The following LRP1B variants were observed in gnomAD, a reference collection of about 807,000 sequenced individuals.
LRP1B encodes LDL receptor related protein 1B.
LRP1B carries 217 observed loss-of-function variants against 556.6 expected under a neutral mutation model. The observed-to-expected ratio is 0.39, with a 90% CI of 0.35 to 0.44. LRP1B has a LOEUF of 0.44. Among genes scored for constraint, LRP1B ranks in the 20% least tolerant of loss-of-function variants. The probability of loss-of-function intolerance (pLI) is 1.00; values close to 1 mark genes in which losing one functional copy is unlikely to be tolerated. For synonymous variants in LRP1B, 2,047 were observed against 1,865.8 expected, an observed-to-expected ratio of 1.10 and a Z score of -2.50; for missense variants, 5,053 against 5,620.8, an observed-to-expected ratio of 0.90 and a Z score of 3.23.
At chr2:142,079,653 G>A (rs113237390) in intron 1 of LRP1B, among the ~76,000 whole-genome samples, 578 of 152,062 alleles carry the variant, frequency 3.8e-3, no homozygotes, top group Admixed American at 5.6e-3. Flanking sequence ...GAGATTACAG[G>A]CATGCACCAA....
chr2:141,466,029 C>T (rs1682181350), intron 3 of LRP1B, among the ~76,000 whole-genome samples: 1 of 152,042 alleles, frequency 6.6e-6, no homozygotes, highest in Non-Finnish European at 1.5e-5. Flanking sequence ...GCTGGGATTA[C>T]AGGTGCCTGC....
chr2:141,543,242 C>A (rs1301751508), intron 2 of LRP1B, among the ~76,000 whole-genome samples: 4 of 151,952 alleles, frequency 2.6e-5, no homozygotes, highest in African/African-American at 9.7e-5. Flanking sequence ...ATCATGGTGG[C>A]CCAGGCCTGT....
At chr2:140,428,782 G>A (rs558925986) in intron 66 of LRP1B, among the ~76,000 whole-genome samples, 19 of 152,230 alleles carry the variant, frequency 1.2e-4, no homozygotes, top group East Asian at 9.7e-4. Context: ...ACTGTTGTGC[G>A]TATTGACGGC....
At chr2:140,277,093 T>TTA (rs1290129105) in intron 84 of LRP1B, among the ~76,000 whole-genome samples, 1 of 151,724 alleles carries the variant, frequency 6.6e-6, no homozygotes, top group Non-Finnish European at 1.5e-5. Context: ...CGCTTTTTTT[T>TTA]TATAACTATA....
intron 83 of LRP1B, among the ~76,000 whole-genome samples, chr2:140,302,629 G>A (rs1170530040): frequency 6.6e-6 from 1 of 152,146 alleles, no homozygotes; most frequent in East Asian, 1.9e-4. Context: ...AGCAGACCAA[G>A]TAAGAAAGAT....
intron 41 of LRP1B, among the ~76,000 whole-genome samples, chr2:140,657,615 A>C (rs1028993557): frequency 7.7e-5 from 10 of 130,096 alleles, no homozygotes; most frequent in Non-Finnish European, 1.5e-4. Context: ...ATATATATAC[A>C]TACATATATA....
intron 5 of LRP1B, among the ~76,000 whole-genome samples, chr2:141,242,927 G>A (rs899719233): frequency 6.6e-6 from 1 of 152,012 alleles, no homozygotes; most frequent in African/African-American, 2.4e-5. Context: ...TTCTACATGA[G>A]CCTGCTTTCA....
intron 63 of LRP1B, 41 bp from the exon 64 acceptor site, chr2:140,444,720 C>T (rs2105305445): frequency 8.4e-7 from 1 of 1,184,520 alleles, no homozygotes; most frequent in African/African-American, 1.5e-5. Context: ...GGTAATCTTA[C>T]CTCACAACTT....
chr2:140,922,316 G>A (rs1425806519), intron 21 of LRP1B, among the ~76,000 whole-genome samples: 3 of 150,254 alleles, frequency 2.0e-5, no homozygotes, highest in South Asian at 2.1e-4. Flanking sequence ...GCACACACAC[G>A]CACACACACG....
intron 78 of LRP1B, among the ~76,000 whole-genome samples, chr2:140,335,190 A>ATG (rs1452358749): frequency 6.2e-4 from 75 of 121,786 alleles, no homozygotes; most frequent in African/African-American, 1.9e-3. Context: ...GTGTGTGTGC[A>ATG]TGTGTATATA....
Position 141,395,626 on chromosome 2 carries a change from T to C in LRP1B, c.343+84770A>G, listed in dbSNP as rs569555248. Among the ~76,000 whole-genome samples the C allele has an allele frequency of 3.6e-4, 55 of 152,260 alleles. 1 individual carries two copies. In the South Asian group the frequency reaches 7.5e-3, roughly 21 times the overall value. Reference sequence around the variant, plus strand: ...GAGGATCCCAACAGAATGTCATTAATTGTGTAGTGTGGGGCATTTTTTGAT... The same window carrying C: ...GAGGATCCCAACAGAATGTCATTAACTGTGTAGTGTGGGGCATTTTTTGAT... On this transcript the variant is annotated intron_variant, in intron 3 of 90. Transcript: ENST00000389484.
Position 140,289,624 on chromosome 2 carries a change from A to G in LRP1B, c.12967+8184T>C, listed in dbSNP as rs1420245697. Among the ~76,000 whole-genome samples the G allele has an allele frequency of 4.0e-5, 6 of 151,672 alleles. No individual in the cohort carries two copies. The Admixed American group carries it at 4.0e-4, about 10-fold the overall frequency. On this transcript the variant is annotated intron_variant, in intron 84 of 90. Transcript: ENST00000389484. ...TTTTACTTTTTTTTTTAATGAAGGC[A>G]TAACATTAAAACAAAAATCTGTTTG...
chr2:141,359,612 G>A (rs1688745347), intron 3 of LRP1B, among the ~76,000 whole-genome samples: 1 of 148,172 alleles, frequency 6.7e-6, no homozygotes, highest in African/African-American at 2.5e-5. Flanking sequence ...AAAAATTAGC[G>A]GGGTGCAGTG....
chr2:142,105,441 C>T (rs1224590800), intron 1 of LRP1B, among the ~76,000 whole-genome samples: 1 of 152,132 alleles, frequency 6.6e-6, no homozygotes, highest in African/African-American at 2.4e-5. Flanking sequence ...TAATATCATA[C>T]TTTTCACTGT....
chr2:141,461,417 A>G (rs967617739), intron 3 of LRP1B, among the ~76,000 whole-genome samples: 3 of 152,206 alleles, frequency 2.0e-5, no homozygotes, highest in Non-Finnish European at 4.4e-5. Flanking sequence ...TGCTTAATAG[A>G]GATGAAAAGT....
At chr2:141,332,639 G>T (rs773911060) in intron 3 of LRP1B, among the ~76,000 whole-genome samples, 1 of 151,176 alleles carries the variant, frequency 6.6e-6, no homozygotes, top group Non-Finnish European at 1.5e-5. Context: ...CTTGAAAATG[G>T]ATGGGTCAAA....
chr2:140,850,071 T>G (rs1300035164), intron 29 of LRP1B, 31 bp downstream of exon 29: 1 of 1,365,570 alleles, frequency 7.3e-7, no homozygotes, highest in South Asian at 1.2e-5. Context: ...AACAAACACT[T>G]TTAAAGTTGT....
intron 2 of LRP1B, among the ~76,000 whole-genome samples, chr2:141,800,626 C>A (rs751229339): frequency 3.3e-5 from 5 of 152,158 alleles, no homozygotes; most frequent in African/African-American, 7.2e-5. Context: ...ATCCATGTAA[C>A]CTTCACAGCA....
chr2:142,114,292 C>T (rs1707107369), intron 1 of LRP1B, among the ~76,000 whole-genome samples: 1 of 152,022 alleles, frequency 6.6e-6, no homozygotes. Flanking sequence ...ATTTCAAATG[C>T]CTTAAGGAGC....
Sources: allele counts gnomAD v4.1 joint callset (sites outside exome capture counted in the v4.1 genomes callset), GRCh38; gene constraint gnomAD v4.1.1; transcripts MANE v1.5; gene names NCBI Gene and HGNC (gene_info 2026-07-23, HGNC 2026-07-21).